Variants in GNB4 observed in about 807,000 individuals in gnomAD.
GNB4 encodes G protein subunit beta 4.
In GNB4, 28 loss-of-function variants were observed where a neutral mutation model predicts 45.2. The observed-to-expected ratio is 0.62, with a 90% CI of 0.46 to 0.85. The LOEUF is 0.85. Ranked by LOEUF, GNB4 falls within the 40% of genes least tolerant of loss-of-function variation. The pLI, the probability that GNB4 is intolerant of heterozygous loss-of-function variation, is 0.00. For missense variants in GNB4, 321 were observed against 425.4 expected (o/e 0.75, Z 2.16); for synonymous variants, 132 against 143.7 (o/e 0.92, Z 0.58).
At chr3:179,416,351 CAAAAG>C in intron 5 of GNB4, 137 bp downstream of exon 5, 1 of 583,914 alleles carries the variant, frequency 1.7e-6, no homozygotes, top group Non-Finnish European at 3.0e-6. Context: ...AACACTAAGA[CAAAAG>C]AGAAGAACTA....
chr3:179,488,898 C>T, the GNB4 span, among the ~76,000 whole-genome samples: 3 of 145,092 alleles, frequency 2.1e-5, no homozygotes, highest in South Asian at 2.3e-4. Context: ...GCAGGAGGAT[C>T]GCTTGAATCT....
At chr3:179,459,694 G>GA in the GNB4 span, among the ~76,000 whole-genome samples, 105 of 125,370 alleles carry the variant, frequency 8.4e-4, no homozygotes, top group Non-Finnish European at 1.3e-3. Context: ...ACAAAAAAAA[G>GA]AAAAAAAAAA....
the GNB4 span, among the ~76,000 whole-genome samples, chr3:179,461,508 A>C: frequency 6.6e-6 from 1 of 152,196 alleles, no homozygotes; most frequent in Non-Finnish European, 1.5e-5. Flanking sequence ...AAAAAAAAAA[A>C]AAAAATGATT....
At chr3:179,417,363 T>G (rs1577030013) in intron 4 of GNB4, among the ~76,000 whole-genome samples, 1 of 151,816 alleles carries the variant, frequency 6.6e-6, no homozygotes, top group Non-Finnish European at 1.5e-5. Context: ...CTAAAGAGTA[T>G]GAACTCCTAA....
intron 1 of GNB4, among the ~76,000 whole-genome samples, chr3:179,431,504 A>T (rs1421498287): frequency 6.7e-6 from 1 of 149,074 alleles, no homozygotes; most frequent in African/African-American, 2.5e-5. Context: ...GGCTGCAGTG[A>T]GCTGAGATTG....
chr3:179,494,552 G>A, the GNB4 span, among the ~76,000 whole-genome samples: 2 of 150,912 alleles, frequency 1.3e-5, no homozygotes, highest in Non-Finnish European at 3.0e-5. Context: ...AAGAAAGAGA[G>A]AGAGAGAAAG....
chr3:179,510,901 T>C, the GNB4 span, among the ~76,000 whole-genome samples: 2 of 151,848 alleles, frequency 1.3e-5, no homozygotes, highest in African/African-American at 4.8e-5. Context: ...TGGTTGCCCA[T>C]GAGATATGAA....
At chr3:179,450,365 T>C (rs1715837444) in intron 1 of GNB4, among the ~76,000 whole-genome samples, 1 of 152,182 alleles carries the variant, frequency 6.6e-6, no homozygotes, top group South Asian at 2.1e-4. Context: ...TTAAATTAAG[T>C]AGCGTGTGTT....
At chr3:179,472,946 G>A in the GNB4 span, among the ~76,000 whole-genome samples, 4 of 152,196 alleles carry the variant, frequency 2.6e-5, no homozygotes, top group Admixed American at 2.0e-4. Context: ...GGCAGATCAC[G>A]AGGTTAGGAG....
intron 9 of GNB4, among the ~76,000 whole-genome samples, chr3:179,404,241 T>C (rs905006175): frequency 2.6e-5 from 4 of 152,214 alleles, no homozygotes; most frequent in Non-Finnish European, 5.9e-5. Context: ...AAACAGTGAA[T>C]GTGGTTCTAA....
chr3:179,522,707 G>T, the GNB4 span, among the ~76,000 whole-genome samples: 5 of 152,174 alleles, frequency 3.3e-5, no homozygotes, highest in African/African-American at 1.2e-4. Flanking sequence ...TGTGATCAGG[G>T]TGAGGAACAG....
the GNB4 span, among the ~76,000 whole-genome samples, chr3:179,485,013 T>G: frequency 1.1e-4 from 7 of 64,546 alleles, no homozygotes; most frequent in Non-Finnish European, 2.4e-4. Context: ...TTGTTTTTTT[T>G]TTTTTTTTTT....
chr3:179,399,041 T>C lies in GNB4; in HGVS notation c.*2172A>G, dbSNP rs1714205593. 1.3e-5 allele frequency: 2 copies of C among 152,232 alleles called. No homozygotes were observed. The highest frequency in any genetic ancestry group is 1.3e-4 in the Admixed American group (2 of 15,282). The allele number at this position is 152,232 out of a possible 1,614,324, so 9.4% of individuals were successfully genotyped here. A position where few individuals can be genotyped will look rare whatever the true frequency, so the allele number is the denominator to read the frequency against. Reference sequence around the variant, plus strand: ...ACATATTTAAGGTTATTTTTATGCATAATAGAATTGCTTTCTTCTGACTAA... The same window carrying C: ...ACATATTTAAGGTTATTTTTATGCACAATAGAATTGCTTTCTTCTGACTAA... On this transcript the variant is annotated 3_prime_UTR_variant, in exon 10 of 10. Coordinates refer to ENST00000232564, the MANE Select transcript of GNB4 (RefSeq NM_021629.4).
chr3:179,396,174 TAAGA>T lies in GNB4; in HGVS notation c.*5035_*5038del, dbSNP rs1478960208. 6.6e-6 allele frequency: 1 copy of T among 152,202 alleles called. No individual in the cohort carries two copies. The highest frequency in any genetic ancestry group is 1.5e-5 in the Non-Finnish European group (1 of 68,036). 9.4% of individuals were successfully genotyped at this position (152,202 alleles called of 1,614,324 possible). On this transcript the variant is annotated 3_prime_UTR_variant, in exon 10 of 10. Transcript: ENST00000232564. Reference sequence around the variant, plus strand: ...ACAAATAGAGGAATGAATCACTGTGTAAGAAAGATCTAAGAACAGTTAAATCATG... The same window carrying T: ...ACAAATAGAGGAATGAATCACTGTGTAAGATCTAAGAACAGTTAAATCATG...
At chr3:179,428,480 G>A (rs1288798556) in intron 1 of GNB4, among the ~76,000 whole-genome samples, 1 of 152,108 alleles carries the variant, frequency 6.6e-6, no homozygotes, top group Non-Finnish European at 1.5e-5. Context: ...TGCCCTTGCT[G>A]ACCATTCCTG....
intron 8 of GNB4, among the ~76,000 whole-genome samples, chr3:179,409,372 T>G (rs1217642442): frequency 3.3e-5 from 5 of 150,678 alleles, no homozygotes; most frequent in Non-Finnish European, 7.4e-5. Context: ...ATCAGCCGGG[T>G]GTGTTGGCTC....
the GNB4 span, among the ~76,000 whole-genome samples, chr3:179,462,996 A>G: frequency 0.029 from 4,482 of 152,354 alleles, 93 homozygotes; most frequent in Non-Finnish European, 0.046. Flanking sequence ...ATGAAGAAAA[A>G]AAGGAAAGAT....
the GNB4 span, among the ~76,000 whole-genome samples, chr3:179,520,586 A>C: frequency 6.6e-6 from 1 of 152,074 alleles, no homozygotes; most frequent in East Asian, 1.9e-4. Flanking sequence ...AGTTCTCATA[A>C]CTTCCAGAAT....
At chr3:179,452,218 G>GT (rs11291709), upstream of GNB4, among the ~76,000 whole-genome samples, 24,169 of 146,884 alleles carry the variant, frequency 0.16, 1,979 homozygotes, top group Non-Finnish European at 0.19. Context: ...TCTCAATCGA[G>GT]TTTTTTTTTT....
Sources: gnomAD v4.1 joint callset for allele counts (sites outside exome capture counted in the v4.1 genomes callset) on GRCh38, gnomAD v4.1.1 for gene constraint, MANE v1.5 for transcripts, NCBI Gene and HGNC (gene_info 2026-07-23, HGNC 2026-07-21) for gene names.